CNTN4: variants seen among roughly 807,000 people sequenced by gnomAD.
CNTN4 encodes contactin-4.
Under a neutral mutation model 122.5 loss-of-function variants are expected in CNTN4, and 77 were observed. That is an observed-to-expected ratio of 0.63 (90% CI 0.52 to 0.76). The LOEUF is 0.76. Ranked by LOEUF, CNTN4 falls within the 30% of genes least tolerant of loss-of-function variation. The probability of loss-of-function intolerance (pLI) is 0.00; values close to 1 mark genes in which losing one functional copy is unlikely to be tolerated. For missense variants in CNTN4, 1,256 were observed against 1,259.1 expected (o/e 1.00, Z 0.04); for synonymous variants, 512 against 447.0 (o/e 1.15, Z -1.83).
At chr3:2,983,069 C>T (rs1694185738) in intron 13 of CNTN4, among the ~76,000 whole-genome samples, 1 of 151,340 alleles carries the variant, frequency 6.6e-6, no homozygotes, top group Non-Finnish European at 1.5e-5. Context: ...AAAAAATTAG[C>T]CGGGCATGGT....
chr3:2,312,343 C>G (rs2042944941), intron 2 of CNTN4, among the ~76,000 whole-genome samples: 1 of 152,048 alleles, frequency 6.6e-6, no homozygotes, highest in African/African-American at 2.4e-5. Context: ...TTTTCATCCT[C>G]CTGAATAATT....
chr3:2,732,795 C>A (rs1040368233), intron 4 of CNTN4, among the ~76,000 whole-genome samples: 2 of 151,978 alleles, frequency 1.3e-5, no homozygotes, highest in Admixed American at 1.3e-4. Context: ...TTTTTTAATA[C>A]CTTGATAGCT....
chr3:2,185,546 C>T (rs182566474), intron 2 of CNTN4, among the ~76,000 whole-genome samples: 7 of 152,152 alleles, frequency 4.6e-5, no homozygotes, highest in Admixed American at 2.6e-4. Flanking sequence ...GTGCCATATC[C>T]CCACAGTGTA....
chr3:2,321,508 G>T (rs2043276200), intron 2 of CNTN4, among the ~76,000 whole-genome samples: 3 of 151,934 alleles, frequency 2.0e-5, no homozygotes, highest in Non-Finnish European at 4.4e-5. Context: ...TTATTAAGAG[G>T]TTTCCAAATT....
chr3:2,665,292 A>T (rs2084096813), intron 4 of CNTN4, among the ~76,000 whole-genome samples: 1 of 152,212 alleles, frequency 6.6e-6, no homozygotes, highest in African/African-American at 2.4e-5. Context: ...TGAAGCTGTT[A>T]GTTGATCTTT....
At chr3:2,670,046 G>T (rs760550081) in intron 4 of CNTN4, among the ~76,000 whole-genome samples, 18 of 152,192 alleles carry the variant, frequency 1.2e-4, no homozygotes, top group Admixed American at 3.9e-4. Context: ...GTGTGATGTG[G>T]TGCTGAGAAG....
chr3:2,362,479 C>G (rs2150557503), intron 3 of CNTN4: 1 of 482,682 alleles, frequency 2.1e-6, no homozygotes, highest in Middle Eastern at 3.3e-4. Flanking sequence ...CTAGCAGTGT[C>G]TTGTGTTCCC....
At chr3:2,394,907 C>T (rs1355479416) in intron 3 of CNTN4, among the ~76,000 whole-genome samples, 1 of 151,134 alleles carries the variant, frequency 6.6e-6, no homozygotes, top group Admixed American at 6.6e-5. Context: ...CTGCCTCAGC[C>T]TCCCAAGTAG....
At chr3:2,975,926 G>A (rs1368511007) in intron 13 of CNTN4, among the ~76,000 whole-genome samples, 3 of 152,008 alleles carry the variant, frequency 2.0e-5, no homozygotes, top group African/African-American at 4.8e-5. Context: ...AATTGTCTCA[G>A]GTCCTAAATT....
chr3:2,116,158 A>G (rs916794171), intron 2 of CNTN4, among the ~76,000 whole-genome samples: 2 of 152,160 alleles, frequency 1.3e-5, no homozygotes, highest in African/African-American at 2.4e-5. Context: ...GTTAGAAACA[A>G]AGCATTGCAG....
intron 2 of CNTN4, among the ~76,000 whole-genome samples, chr3:2,171,580 C>T (rs2036514236): frequency 6.6e-6 from 1 of 152,072 alleles, no homozygotes; most frequent in Admixed American, 6.5e-5. Flanking sequence ...TTAAAAAAGT[C>T]AGTGGGACAT....
Position 3,040,186 on chromosome 3 carries a change from T to C in CNTN4, c.2313T>C (p.Ser771=). 1 of 1,614,198 alleles carries C rather than the reference T, an allele frequency of 6.2e-7. No individual in the cohort carries two copies. Residue 771 remains serine, a synonymous_variant, in exon 20 of 25, where the codon TCT becomes TCC. Coordinates refer to ENST00000418658, the MANE Select transcript of CNTN4 (RefSeq NM_175607.3). ...GGAATGAGAGCGTGCACCCCTTCTCTCCCTTTGAGGTTAAAGTAGGTGTCT... is the reference window on the plus strand; with the variant it reads ...GGAATGAGAGCGTGCACCCCTTCTCCCCCTTTGAGGTTAAAGTAGGTGTCT... The part of the protein sequence containing the change: ...VFRNESVHPF[S]PFEVKVGVFN...
chr3:2,491,103 A>C (rs2076304622), intron 3 of CNTN4, among the ~76,000 whole-genome samples: 1 of 152,176 alleles, frequency 6.6e-6, no homozygotes, highest in African/African-American at 2.4e-5. Flanking sequence ...AATCTGGAAA[A>C]CCAATAGAAC....
rs2038287730 is a variant in CNTN4 at position 2,205,303 on chromosome 3, G to A, written c.-145+104664G>A. ...ACCAGTGAAAAAATACAGTGATAAT[G>A]CAGGGAAGTATAATTACTAATTTAT... is the stretch of plus-strand genomic sequence containing the variant. On this transcript the variant is annotated intron_variant, in intron 2 of 24. Transcript: ENST00000418658. Among the ~76,000 whole-genome samples the A allele has an allele frequency of 2.0e-5, 3 of 149,274 alleles. No homozygotes were observed. In the Admixed American group the frequency reaches 2.0e-4, roughly 10 times the overall value.
intron 2 of CNTN4, among the ~76,000 whole-genome samples, chr3:2,289,544 C>A (rs2042057588): frequency 1.3e-5 from 2 of 152,172 alleles, no homozygotes; most frequent in Non-Finnish European, 2.9e-5. Context: ...CTGAAGACAT[C>A]TGCTTTAAGT....
At chr3:2,297,595 A>G (rs570114551) in intron 2 of CNTN4, among the ~76,000 whole-genome samples, 6 of 152,294 alleles carry the variant, frequency 3.9e-5, no homozygotes, top group Admixed American at 3.3e-4. Context: ...AAAATACTGT[A>G]TATTTTTCTT....
intron 2 of CNTN4, among the ~76,000 whole-genome samples, chr3:2,163,369 C>T (rs2036047067): frequency 6.6e-6 from 1 of 152,098 alleles, no homozygotes; most frequent in Non-Finnish European, 1.5e-5. Context: ...TCATCAAAGA[C>T]TTAAATCTAA....
chr3:2,746,603 C>G (rs2089781127), intron 6 of CNTN4, among the ~76,000 whole-genome samples: 1 of 152,148 alleles, frequency 6.6e-6, no homozygotes, highest in African/African-American at 2.4e-5. Flanking sequence ...TGGCATTAGC[C>G]AAAGGTTTCA....
chr3:2,289,239 G>A (rs913203819), intron 2 of CNTN4, among the ~76,000 whole-genome samples: 8 of 152,278 alleles, frequency 5.3e-5, no homozygotes, highest in Admixed American at 4.6e-4. Context: ...TAGGTACAGG[G>A]AAGGATGAGA....
Sources: gnomAD v4.1 joint callset for allele counts (sites outside exome capture counted in the v4.1 genomes callset) on GRCh38, gnomAD v4.1.1 for gene constraint, MANE v1.5 for transcripts, NCBI Gene and HGNC (gene_info 2026-07-23, HGNC 2026-07-21) for gene names.